The following WASHC2C variants were observed in gnomAD, a reference collection of about 807,000 sequenced individuals.
WASHC2C encodes Vaccinia Penetration Factor.
A neutral mutation model predicts 142.2 loss-of-function variants in WASHC2C; 73 were observed. The ratio of observed to expected loss-of-function variants is 0.51; its 90% CI spans 0.43 to 0.62. WASHC2C has a LOEUF of 0.62. Among genes scored for constraint, WASHC2C ranks in the 20% least tolerant of loss-of-function variants. The probability of loss-of-function intolerance (pLI) is 0.00; values close to 1 mark genes in which losing one functional copy is unlikely to be tolerated. For synonymous variants in WASHC2C, 337 were observed against 565.5 expected, an observed-to-expected ratio of 0.60 and a Z score of 5.73; for missense variants, 969 against 1,531.7, an observed-to-expected ratio of 0.63 and a Z score of 6.13.
intron 3 of WASHC2C, among the ~76,000 whole-genome samples, chr10:45,730,364 A>G (rs1449222120): frequency 6.7e-6 from 1 of 149,552 alleles, no homozygotes; most frequent in Non-Finnish European, 1.5e-5. Flanking sequence ...AAAAAAAAGT[A>G]TTCAAGTAAA....
intron 3 of WASHC2C, among the ~76,000 whole-genome samples, chr10:45,734,940 G>T (rs1174782751): frequency 1.3e-5 from 2 of 151,790 alleles, no homozygotes; most frequent in African/African-American, 4.8e-5. Flanking sequence ...ATCCCTTATA[G>T]ATAACCTTTA....
At chr10:45,761,260 C>G (rs1423736896) in intron 17 of WASHC2C, among the ~76,000 whole-genome samples, 1 of 152,124 alleles carries the variant, frequency 6.6e-6, no homozygotes, top group Admixed American at 6.5e-5. Context: ...GAAGCCGGTC[C>G]TCTTACATAC....
chr10:45,748,770 A>ATTTG (rs1554872469), intron 8 of WASHC2C, among the ~76,000 whole-genome samples: 7 of 152,042 alleles, frequency 4.6e-5, no homozygotes, highest in Non-Finnish European at 1.0e-4. Flanking sequence ...AATTTTTTTA[A>ATTTG]TTATACATAG....
chr10:45,785,851 T>C, intron 26 of WASHC2C: 1 of 881,370 alleles, frequency 1.1e-6, no homozygotes, highest in Non-Finnish European at 1.6e-6. Context: ...GTTAGTGTTT[T>C]TTGATGCCAT....
rs2058446580 is a variant in WASHC2C, at chr10:45,792,560, T to A, written c.*160T>A. 1 of 1,065,278 alleles carries A rather than the reference T, an allele frequency of 9.4e-7. No individual in the cohort carries two copies. The highest frequency in any genetic ancestry group is 1.3e-6 in the Non-Finnish European group (1 of 741,766). The allele number at this position is 1,065,278 out of a possible 1,614,324, so 66.0% of individuals were successfully genotyped here. A position where few individuals can be genotyped will look rare whatever the true frequency, so the allele number is the denominator to read the frequency against. ...TTAGTATTTTTCTGCACTGGTTTAA[T>A]CATGCTTAATACTACAAAACAAAAA... On this transcript the variant is annotated 3_prime_UTR_variant, in exon 31 of 31. Coordinates refer to ENST00000623400, the MANE Select transcript of WASHC2C (RefSeq NM_001330074.2).
chr10:45,759,944 C>CT (rs2054880929), intron 17 of WASHC2C, among the ~76,000 whole-genome samples: 1 of 149,386 alleles, frequency 6.7e-6, no homozygotes, highest in Non-Finnish European at 1.5e-5. Flanking sequence ...AATCCTCTCT[C>CT]TTTAGGATGC....
At chr10:45,788,386 CCT>C (rs1442511342) in intron 28 of WASHC2C, among the ~76,000 whole-genome samples, 2 of 152,204 alleles carry the variant, frequency 1.3e-5, no homozygotes, top group East Asian at 3.8e-4. Flanking sequence ...CCTTAGATTA[CCT>C]CTCTTTATTG....
At chr10:45,732,784 TA>T (rs1260645552) in intron 3 of WASHC2C, among the ~76,000 whole-genome samples, 1 of 152,264 alleles carries the variant, frequency 6.6e-6, no homozygotes, top group Admixed American at 6.5e-5. Context: ...TGTTGATTTA[TA>T]AAAGCTGAAT....
chr10:45,758,702 G>T lies in WASHC2C; in HGVS notation c.1549-613G>T, dbSNP rs1206267073. ...AGCTCACTGCAGCCTCAACCTCCTGGGTTCAAGCGATTCTCCAGCCTCAGC... is the reference window on the plus strand; with the variant it reads ...AGCTCACTGCAGCCTCAACCTCCTGTGTTCAAGCGATTCTCCAGCCTCAGC... On this transcript the variant is annotated intron_variant, in intron 16 of 30. Transcript: ENST00000623400. 2.0e-5 allele frequency among the ~76,000 whole-genome samples: 3 copies of T among 150,970 alleles called. No homozygotes were observed. In the East Asian group the frequency reaches 5.9e-4, roughly 29 times the overall value.
At chr10:45,791,892 A>G (rs1249239868) in intron 30 of WASHC2C, among the ~76,000 whole-genome samples, 1 of 145,908 alleles carries the variant, frequency 6.9e-6, no homozygotes, top group Non-Finnish European at 1.5e-5. Context: ...TTCCCTTTGC[A>G]TATTTTTATT....
intron 4 of WASHC2C, among the ~76,000 whole-genome samples, chr10:45,738,771 A>G (rs1298717696): frequency 6.6e-6 from 1 of 152,150 alleles, no homozygotes; most frequent in Non-Finnish European, 1.5e-5. Flanking sequence ...GTGGCACGAT[A>G]TCAGCTCACT....
rs181361754 is a variant in WASHC2C at position 45,772,705 on chromosome 10, G to A, written c.2040-551G>A. Among the ~76,000 whole-genome samples the A allele has an allele frequency of 3.5e-3, 536 of 152,264 alleles. 2 individuals are homozygous for A. Among genetic ancestry groups the A allele is most frequent in the African/African-American group, 0.012 (511 of 41,550 alleles). On this transcript the variant is annotated intron_variant, in intron 20 of 30. Coordinates refer to ENST00000623400, the MANE Select transcript of WASHC2C (RefSeq NM_001330074.2). ...CTCTCCAGCCTGGGCAGTAGAGTGA[G>A]ACCCTGTCTTAAAAAGTAAAATAAA...
intron 14 of WASHC2C, 138 bp downstream of exon 14, chr10:45,754,683 G>C: frequency 1.0e-6 from 1 of 985,592 alleles, no homozygotes. Flanking sequence ...CTTATAGAAA[G>C]AGCTCATTTA....
rs782673242 is a variant in WASHC2C, at chr10:45,752,721, C to T, written c.1122+15C>T. 34 of 1,606,082 alleles carry T rather than the reference C, an allele frequency of 2.1e-5. No homozygotes were observed. In the East Asian group the frequency reaches 2.2e-4, roughly 11 times the overall value. On this transcript the variant is annotated intron_variant, in intron 12 of 30. Transcript: ENST00000623400. ...AGGACGAGGAGGTGAGTCCATGGCA[C>T]CCAGCAACACTCCCTGCAGCTAGCT...
At chr10:45,766,919 C>T (rs2596993) in intron 19 of WASHC2C, among the ~76,000 whole-genome samples, 7,622 of 151,908 alleles carry the variant, frequency 0.05, 171 homozygotes, top group African/African-American at 0.091. Flanking sequence ...ATGTTCATGT[C>T]CTTACTGAAA....
At chr10:45,748,882 A>G (rs1554872568) in intron 8 of WASHC2C, among the ~76,000 whole-genome samples, 1 of 152,238 alleles carries the variant, frequency 6.6e-6, no homozygotes, top group Non-Finnish European at 1.5e-5. Flanking sequence ...AACTGGGATC[A>G]TGCTCTGGGA....
At position 45,728,977 on chromosome 10, in the gene WASHC2C, A is replaced by G; in HGVS notation, c.242A>G (p.Asn81Ser). 1.2e-6 allele frequency: 2 copies of G among 1,613,978 alleles called. No individual in the cohort carries two copies. The highest frequency in any genetic ancestry group is 1.7e-6 in the Non-Finnish European group (2 of 1,179,860). The part of the protein sequence containing the change: ...ETKATDCRLH[N>S]VFNDFLMLSN... Reference sequence around the variant, plus strand: ...AAAGCCACAGATTGTCGCCTGCATAATGTCTTCAATGACTTCCTTATGCTC... The same window carrying G: ...AAAGCCACAGATTGTCGCCTGCATAGTGTCTTCAATGACTTCCTTATGCTC... Residue 81 changes from asparagine (N) to serine (S), a missense_variant, in exon 3 of 31, where the codon AAT becomes AGT. Physicochemically the swap from Asn to Ser is conservative, Grantham distance 46. Coordinates refer to ENST00000623400, the MANE Select transcript of WASHC2C (RefSeq NM_001330074.2).
At chr10:45,762,540 G>A (rs569514366) in intron 17 of WASHC2C, among the ~76,000 whole-genome samples, 3 of 152,164 alleles carry the variant, frequency 2.0e-5, no homozygotes, top group Admixed American at 6.5e-5. Flanking sequence ...GGTTTGCAAC[G>A]TCATATACCT....
chr10:45,727,351 C>A, intron 1 of WASHC2C, 31 bp downstream of exon 1: 1 of 1,599,060 alleles, frequency 6.3e-7, no homozygotes, highest in Non-Finnish European at 8.5e-7. Flanking sequence ...AGGGGCCGGC[C>A]TGGGCTGGGG....
Sources: gnomAD v4.1 joint callset for allele counts (sites outside exome capture counted in the v4.1 genomes callset) on GRCh38, gnomAD v4.1.1 for gene constraint, MANE v1.5 for transcripts, NCBI Gene and HGNC (gene_info 2026-07-23, HGNC 2026-07-21) for gene names.